Variants in L2HGDH observed in about 807,000 individuals in gnomAD.
L2HGDH encodes L-2-hydroxyglutarate dehydrogenase, mitochondrial.
Under a neutral mutation model 51.5 loss-of-function variants are expected in L2HGDH, and 34 were observed. The observed-to-expected ratio is 0.66, with a 90% confidence interval of 0.50 to 0.88. The LOEUF (loss-of-function observed/expected upper bound fraction) is 0.88. Among genes scored for constraint, L2HGDH ranks in the 40% least tolerant of loss-of-function variants. L2HGDH has a pLI of 0.00. For synonymous variants in L2HGDH, 198 were observed against 197.9 expected, an observed-to-expected ratio of 1.00 and a Z score of -0.01; for missense variants, 558 against 571.9, an observed-to-expected ratio of 0.98 and a Z score of 0.25.
rs911603226 is a variant in L2HGDH, at chr14:50,242,502, A to T, written c.*4556T>A. ...AAAATACAAGCAATTAACAACATCA[A>T]CAACAACAACAAACCCACAATACTT... On this transcript the variant is annotated 3_prime_UTR_variant, in exon 10 of 10. Transcript: ENST00000267436. 5.9e-5 allele frequency: 57 copies of T among 966,794 alleles called. No individual in the cohort carries two copies. Among genetic ancestry groups the T allele is most frequent in the East Asian group, 1.1e-4 (1 of 8,746 alleles). 59.9% of individuals were successfully genotyped at this position (966,794 alleles called of 1,614,324 possible).
intron 3 of L2HGDH, among the ~76,000 whole-genome samples, chr14:50,300,985 C>T (rs1566538276): frequency 6.6e-6 from 1 of 152,030 alleles, no homozygotes; most frequent in Non-Finnish European, 1.5e-5. Context: ...CCACCGCACC[C>T]GGCTAACTTT....
At chr14:50,261,242 A>AT (rs1889003677) in intron 9 of L2HGDH, among the ~76,000 whole-genome samples, 1 of 152,184 alleles carries the variant, frequency 6.6e-6, no homozygotes. Context: ...TTACAACTTT[A>AT]TTGTAGAAAT....
intron 4 of L2HGDH, 131 bp downstream of exon 4, chr14:50,293,984 T>C (rs965913810): frequency 6.4e-6 from 7 of 1,100,242 alleles, no homozygotes; most frequent in Non-Finnish European, 5.4e-6. Context: ...CTTGTGTCTG[T>C]CACTTCACTA....
At chr14:50,282,386 T>A (rs1457296744) in intron 5 of L2HGDH, 5 of 452,626 alleles carry the variant, frequency 1.1e-5, no homozygotes, top group Non-Finnish European at 1.8e-5. Context: ...TTGTGCTTCA[T>A]AGCCAGTCTT....
chr14:50,283,738 A>G (rs1890404103), intron 5 of L2HGDH, 133 bp downstream of exon 5: 1 of 697,614 alleles, frequency 1.4e-6, no homozygotes, highest in Non-Finnish European at 2.4e-6. Context: ...TGTATTATGT[A>G]TTATTCTACT....
At chr14:50,311,280 A>C in intron 1 of L2HGDH, 1 of 452,006 alleles carries the variant, frequency 2.2e-6, no homozygotes, top group Non-Finnish European at 4.4e-6. Flanking sequence ...TGGTTAAAAT[A>C]AACTAAAAAC....
Position 50,246,435 on chromosome 14 carries a change from T to C in L2HGDH, c.*623A>G, listed in dbSNP as rs1293123640. The C allele has an allele frequency of 1.4e-5, 2 of 138,386 alleles. No individual in the cohort carries two copies. Among genetic ancestry groups the C allele is most frequent in the Non-Finnish European group, 3.0e-5 (2 of 66,196 alleles). The allele number at this position is 138,386 out of a possible 1,614,324, so 8.6% of individuals were successfully genotyped here. A position where few individuals can be genotyped will look rare whatever the true frequency, so the allele number is the denominator to read the frequency against. On this transcript the variant is annotated 3_prime_UTR_variant, in exon 10 of 10. Transcript: ENST00000267436. ...GTTTCATTCACTATGTTGCCCAGGC[T>C]GGATTTTTTTTTTTTTTTTTTTTTT...
chr14:50,303,931 G>A lies in L2HGDH; in HGVS notation c.141-914C>T, dbSNP rs1408435215. 5.9e-5 allele frequency among the ~76,000 whole-genome samples: 9 copies of A among 151,612 alleles called. 1 individual carries two copies. The highest frequency in any genetic ancestry group is 1.7e-4 in the African/African-American group (7 of 41,204). ...AATCTGCTCTTTATCTCCATAGCAC[G>A]GCAGCCAGGCTGGTTACATAAGTGA... On this transcript the variant is annotated intron_variant, in intron 1 of 9. Coordinates refer to ENST00000267436, the MANE Select transcript of L2HGDH (RefSeq NM_024884.3).
intron 4 of L2HGDH, chr14:50,293,154 C>G (rs2029869554): frequency 1.5e-6 from 1 of 689,602 alleles, no homozygotes; most frequent in African/African-American, 1.8e-5. Context: ...GGTAGTAGCA[C>G]AGAAGAGGCA....
At chr14:50,269,462 G>GT (rs1889542517) in intron 6 of L2HGDH, 132 bp from the exon 7 acceptor site, 1 of 798,036 alleles carries the variant, frequency 1.3e-6, no homozygotes, top group African/African-American at 1.7e-5. Flanking sequence ...TTCAATACAG[G>GT]TATCAGCAAA....
intron 6 of L2HGDH, among the ~76,000 whole-genome samples, chr14:50,277,207 G>GT (rs35766836): frequency 0.37 from 53,495 of 143,890 alleles, 10,065 homozygotes; most frequent in South Asian, 0.52. Flanking sequence ...TTTTTTTTTT[G>GT]TTTTTTTTTT....
rs368099890 is a variant in L2HGDH at position 50,272,444 on chromosome 14, G to A, written c.739-3114C>T. Reference sequence around the variant, plus strand: ...TGACCCGGCAAATCTGATGGTAATCGAAGGGTCTACAGCAGATAGTCATGC... The same window carrying A: ...TGACCCGGCAAATCTGATGGTAATCAAAGGGTCTACAGCAGATAGTCATGC... On this transcript the variant is annotated intron_variant, in intron 6 of 9. Coordinates refer to ENST00000267436, the MANE Select transcript of L2HGDH (RefSeq NM_024884.3). Among the ~76,000 whole-genome samples the A allele has an allele frequency of 1.6e-3, 242 of 152,256 alleles. No homozygotes were observed. In the South Asian group the frequency reaches 0.019, roughly 12 times the overall value.
chr14:50,278,221 G>A (rs910576157), intron 6 of L2HGDH, among the ~76,000 whole-genome samples: 47 of 152,272 alleles, frequency 3.1e-4, no homozygotes, highest in Non-Finnish European at 4.3e-4. Context: ...TTTATAGAGA[G>A]TTAATAAGTT....
Position 50,294,198 on chromosome 14 carries a change from A to G in L2HGDH, c.457T>C (p.Tyr153His), listed in dbSNP as rs2029899086. Residue 153 changes from tyrosine to histidine, a missense_variant, in exon 4 of 10, where the codon TAT becomes CAT. Tyr to His is a moderately conservative substitution (Grantham distance 83). Coordinates refer to ENST00000267436, the MANE Select transcript of L2HGDH (RefSeq NM_024884.3). ...ACACCATTCTGGAGGCCTTTCTCAT[A>G]TAGGGCCTGAAGTCTGGGAATTTCT... is the stretch of plus-strand genomic sequence containing the variant. ...QEEIPRLQAL[Y>H]EKGLQNGVPG... 6.2e-7 allele frequency: 1 copy of G among 1,613,210 alleles called. No homozygotes were observed. Among genetic ancestry groups the G allele is most frequent in the East Asian group, 2.2e-5 (1 of 44,838 alleles).
At chr14:50,270,664 G>A (rs1400475972) in intron 6 of L2HGDH, among the ~76,000 whole-genome samples, 3 of 152,024 alleles carry the variant, frequency 2.0e-5, no homozygotes, top group Admixed American at 6.6e-5. Context: ...CCGCCACCAC[G>A]CCCGGCTAAT....
chr14:50,286,377 T>A (rs144258231), intron 4 of L2HGDH, among the ~76,000 whole-genome samples: 37 of 152,182 alleles, frequency 2.4e-4, no homozygotes, highest in African/African-American at 8.4e-4. Flanking sequence ...AAAAGAGTTA[T>A]CCTCCCAAGT....
chr14:50,295,524 G>A (rs931028352), intron 3 of L2HGDH, among the ~76,000 whole-genome samples: 1 of 150,852 alleles, frequency 6.6e-6, no homozygotes, highest in Non-Finnish European at 1.5e-5. Flanking sequence ...CTCCCACCTC[G>A]GCCTCCCTAG....
At chr14:50,268,997 G>A (rs1889511282) in intron 7 of L2HGDH, among the ~76,000 whole-genome samples, 166 bp downstream of exon 7, 1 of 152,206 alleles carries the variant, frequency 6.6e-6, no homozygotes, top group Admixed American at 6.5e-5. Flanking sequence ...CCATGATACA[G>A]GGATAAAGAT....
chr14:50,283,809 A>G (rs969567338), intron 5 of L2HGDH, 62 bp downstream of exon 5: 2 of 1,470,174 alleles, frequency 1.4e-6, no homozygotes, highest in Admixed American at 1.7e-5. Flanking sequence ...AAAACCACAG[A>G]TGCAAAACCC....
Sources: allele counts gnomAD v4.1 joint callset (sites outside exome capture counted in the v4.1 genomes callset), GRCh38; gene constraint gnomAD v4.1.1; transcripts MANE v1.5; gene names NCBI Gene and HGNC (gene_info 2026-07-23, HGNC 2026-07-21).